The following TENM1 variants were observed in gnomAD, a reference collection of about 807,000 sequenced individuals.
The protein encoded by TENM1 is teneurin transmembrane protein 1.
Under a neutral mutation model 174.8 loss-of-function variants are expected in TENM1, and 35 were observed. The observed-to-expected ratio is 0.20, with a 90% CI of 0.15 to 0.27. The LOEUF (loss-of-function observed/expected upper bound fraction) is 0.27. TENM1 is among the 10% of genes least tolerant of loss of function. TENM1 has a pLI of 1.00. For synonymous variants in TENM1, 781 were observed against 798.7 expected, an observed-to-expected ratio of 0.98 and a Z score of 0.37; for missense variants, 1,633 against 2,130.1, an observed-to-expected ratio of 0.77 and a Z score of 4.59.
intron 22 of TENM1, among the ~76,000 whole-genome samples, chrX:124,477,707 G>A (rs1029465004): frequency 3.9e-5 from 4 of 102,203 alleles, no homozygotes; most frequent in African/African-American, 1.4e-4. Flanking sequence ...ACCCATGATC[G>A]TGCCACTGCA....
At chrX:124,462,431 T>TGGGGG (rs1217120404) in intron 22 of TENM1, among the ~76,000 whole-genome samples, 1 of 9,045 alleles carries the variant, frequency 1.1e-4, no homozygotes, top group African/African-American at 2.4e-4. Context: ...TGTGTGTGTG[T>TGGGGG]GGGGGGGGTG....
the TENM1 span, among the ~76,000 whole-genome samples, chrX:125,014,279 G>A: frequency 7.4e-3 from 828 of 112,383 alleles, 9 homozygotes; most frequent in African/African-American, 0.026. Context: ...ACAAATGCAA[G>A]ATATTATAAT....
chrX:124,381,563 G>C (rs749737895), intron 31 of TENM1, among the ~76,000 whole-genome samples: 1 of 111,368 alleles, frequency 9.0e-6, no homozygotes, highest in African/African-American at 3.3e-5. Flanking sequence ...GAGCTGGAAG[G>C]CACTTTAAGT....
At chrX:124,886,544 TATATAGAGAGAG>T (rs1230305207) in intron 3 of TENM1, among the ~76,000 whole-genome samples, 3 of 84,422 alleles carry the variant, frequency 3.6e-5, no homozygotes, top group East Asian at 3.8e-4. Flanking sequence ...TATATATATA[TATATAGAGAGAG>T]AGAGAGAGAG....
At chrX:125,122,224 T>C in the TENM1 span, among the ~76,000 whole-genome samples, 1 of 112,170 alleles carries the variant, frequency 8.9e-6, no homozygotes, top group African/African-American at 3.2e-5. Context: ...TAATGGTTAA[T>C]ATAATCCTGT....
At chrX:124,748,972 G>T (rs757882034) in intron 3 of TENM1, among the ~76,000 whole-genome samples, 4 of 111,609 alleles carry the variant, frequency 3.6e-5, no homozygotes, top group Non-Finnish European at 5.7e-5. Flanking sequence ...TGAGCTCAAT[G>T]AAATCTATAA....
intron 15 of TENM1, among the ~76,000 whole-genome samples, chrX:124,542,512 T>C (rs2048342672): frequency 9.1e-6 from 1 of 110,179 alleles, no homozygotes; most frequent in Non-Finnish European, 1.9e-5. Context: ...CAATTAAGGG[T>C]AGGCATTCCA....
chrX:124,597,927 A>T (rs916742963), intron 11 of TENM1, among the ~76,000 whole-genome samples: 1 of 111,653 alleles, frequency 9.0e-6, no homozygotes, highest in Non-Finnish European at 1.9e-5. Context: ...GAAAACAATC[A>T]ACAAAGTGAA....
At chrX:124,387,597 T>C (rs777635008) in intron 28 of TENM1, among the ~76,000 whole-genome samples, 4 of 112,627 alleles carry the variant, frequency 3.6e-5, no homozygotes, top group African/African-American at 1.3e-4. Context: ...CACAAGTATA[T>C]GTAATGTACA....
chrX:124,977,975 A>T, the TENM1 span, among the ~76,000 whole-genome samples: 5,794 of 39,908 alleles, frequency 0.15, 320 homozygotes, highest in Non-Finnish European at 0.18. Context: ...TGTGAGAGAG[A>T]GAGAGAGAGA....
At position 124,663,696 on chromosome X, in the gene TENM1, G is replaced by C. The variant is rs185676080; in HGVS notation, c.1168+7987C>G. ...CTGTCAGATGCAGACTGTTAGACTA[G>C]AGGGACCACAAGACAGACCTATTTC... On this transcript the variant is annotated intron_variant, in intron 6 of 31. Transcript: ENST00000422452. 3.6e-3 allele frequency among the ~76,000 whole-genome samples: 399 copies of C among 110,192 alleles called. 2 individuals are homozygous for C. The highest frequency in any genetic ancestry group is 5.9e-3 in the Non-Finnish European group (312 of 52,759).
the TENM1 span, among the ~76,000 whole-genome samples, chrX:125,146,291 T>C: frequency 2.7e-5 from 3 of 110,577 alleles, no homozygotes; most frequent in African/African-American, 9.9e-5. Context: ...GAATCCAGGG[T>C]GGAAAATAGA....
chrX:124,642,158 T>C (rs1368832698), intron 10 of TENM1, among the ~76,000 whole-genome samples, 167 bp from the exon 14 acceptor site: 1 of 112,411 alleles, frequency 8.9e-6, no homozygotes, highest in African/African-American at 3.2e-5. Context: ...GTCCAAACCA[T>C]ATTATTAACA....
At chrX:124,901,560 G>A (rs775096734) in intron 1 of TENM1, among the ~76,000 whole-genome samples, 2 of 110,963 alleles carry the variant, frequency 1.8e-5, no homozygotes, top group East Asian at 5.7e-4. Flanking sequence ...CTGCAGCCTC[G>A]ACCTCCCAGG....
At chrX:124,615,895 G>C (rs2050387537) in intron 11 of TENM1, among the ~76,000 whole-genome samples, 1 of 112,102 alleles carries the variant, frequency 8.9e-6, no homozygotes, top group African/African-American at 3.2e-5. Context: ...TTAGGGATGA[G>C]GACATAAACA....
chrX:124,964,945 G>A (rs2058706138), upstream of TENM1, among the ~76,000 whole-genome samples: 2 of 112,023 alleles, frequency 1.8e-5, no homozygotes, highest in Non-Finnish European at 3.8e-5. Context: ...CCTCTATCAT[G>A]TACACTATCT....
the TENM1 span, among the ~76,000 whole-genome samples, chrX:125,051,441 C>G: frequency 9.0e-6 from 1 of 110,683 alleles, no homozygotes; most frequent in East Asian, 2.9e-4. Flanking sequence ...TGACTTCAAA[C>G]TATACTACAA....
At chrX:124,985,744 A>G in the TENM1 span, among the ~76,000 whole-genome samples, 1 of 112,166 alleles carries the variant, frequency 8.9e-6, no homozygotes, top group Non-Finnish European at 1.9e-5. Flanking sequence ...AGGGAAAAAA[A>G]ACTAAAAACA....
At chrX:124,797,678 G>GT (rs200300530) in intron 3 of TENM1, among the ~76,000 whole-genome samples, 1,668 of 101,113 alleles carry the variant, frequency 0.016, 26 homozygotes, top group African/African-American at 0.046. Context: ...AGCCGTAAAG[G>GT]TTTTTTTTTT....
Sources: allele counts gnomAD v4.1 joint callset (sites outside exome capture counted in the v4.1 genomes callset), GRCh38; gene constraint gnomAD v4.1.1; transcripts MANE v1.5; gene names NCBI Gene and HGNC (gene_info 2026-07-23, HGNC 2026-07-21).